RREB1: variants seen among roughly 807,000 people sequenced by gnomAD.
The protein encoded by RREB1 is ras-responsive element-binding protein 1.
A neutral mutation model predicts 117.8 loss-of-function variants in RREB1; 27 were observed. That is an observed-to-expected ratio of 0.23 (90% CI 0.17 to 0.32). The LOEUF (loss-of-function observed/expected upper bound fraction) is 0.32. Among genes scored for constraint, RREB1 ranks in the 10% least tolerant of loss-of-function variants. The pLI is 1.00. For synonymous variants in RREB1, 1,298 were observed against 1,026.7 expected (o/e 1.26, Z -5.05); for missense variants, 2,577 against 2,378.2 (o/e 1.08, Z -1.74).
intron 1 of RREB1, among the ~76,000 whole-genome samples, chr6:7,159,251 G>A (rs1763532448): frequency 6.6e-6 from 1 of 152,096 alleles, no homozygotes; most frequent in African/African-American, 2.4e-5. Flanking sequence ...GAATTGATAG[G>A]TTGTGGGCCA....
chr6:7,230,342 T>C lies in RREB1; in HGVS notation c.2243T>C (p.Phe748Ser), dbSNP rs776537759. Residue 748 changes from phenylalanine (F) to serine (S), a missense_variant, in exon 10 of 13, where the codon TTC (phenylalanine) becomes TCC (serine). Coordinates refer to ENST00000379938, the MANE Select transcript of RREB1 (RefSeq NM_001003699.4). ...AGCGCGGCCGAGCTGGTGGACGCCT[T>C]CTGCGCCCCGGACACCGTGTGCCGG... ...SSSAAELVDA[F>S]CAPDTVCRLC... 29 of 1,590,430 alleles carry C rather than the reference T, an allele frequency of 1.8e-5. No individual in the cohort carries two copies. In the African/African-American group the frequency reaches 2.7e-4, roughly 15 times the overall value.
Position 7,249,097 on chromosome 6 carries a change from G to GACAGACAGACAGAC in RREB1, c.*130_*131insCAGACAGACAGACA. On this transcript the variant is annotated 3_prime_UTR_variant, in exon 13 of 13. Transcript: ENST00000379938. ...AGAGAGAGAGAGAGAGAGAGAGAGA[G>GACAGACAGACAGAC]AGAGAGACAAGCAGGAGCGTGGCTG... The GACAGACAGACAGAC allele has an allele frequency of 1.5e-6, 1 of 670,830 alleles. No homozygotes were observed. The highest frequency in any genetic ancestry group is 1.9e-5 in the African/African-American group (1 of 51,560). The allele number at this position is 670,830 out of a possible 1,614,324, so 41.6% of individuals were successfully genotyped here.
At chr6:7,110,425 T>C (rs1761081137) in intron 1 of RREB1, among the ~76,000 whole-genome samples, 1 of 152,116 alleles carries the variant, frequency 6.6e-6, no homozygotes, top group African/African-American at 2.4e-5. Flanking sequence ...AGGAATGGGT[T>C]CGAGCTACTC....
chr6:7,143,632 A>T (rs1201092209), intron 1 of RREB1, among the ~76,000 whole-genome samples: 1 of 152,086 alleles, frequency 6.6e-6, no homozygotes, highest in Admixed American at 6.5e-5. Context: ...TGTGCTTCTA[A>T]CTGAATTCAG....
intron 2 of RREB1, among the ~76,000 whole-genome samples, chr6:7,180,257 G>A (rs1487917946): frequency 1.3e-5 from 2 of 152,120 alleles, no homozygotes; most frequent in South Asian, 4.1e-4. Context: ...CTTTTGGTAA[G>A]AATTTAGGCT....
At chr6:7,206,908 G>A (rs1287986163) in intron 6 of RREB1, among the ~76,000 whole-genome samples, 1 of 152,210 alleles carries the variant, frequency 6.6e-6, no homozygotes, top group African/African-American at 2.4e-5. Flanking sequence ...GCTTTGGGAT[G>A]GAAGAGGGCA....
chr6:7,175,359 C>T (rs1271548537), intron 1 of RREB1, among the ~76,000 whole-genome samples: 1 of 127,710 alleles, frequency 7.8e-6, no homozygotes, highest in Non-Finnish European at 1.6e-5. Context: ...TGCATTGTTT[C>T]AGTGGGGTGG....
At chr6:7,197,258 C>G (rs1334692850) in intron 6 of RREB1, among the ~76,000 whole-genome samples, 1 of 152,206 alleles carries the variant, frequency 6.6e-6, no homozygotes, top group Non-Finnish European at 1.5e-5. Flanking sequence ...TTTCACTTTG[C>G]TCCTTATTTT....
chr6:7,163,225 A>G (rs749361036), intron 1 of RREB1, among the ~76,000 whole-genome samples: 23 of 152,170 alleles, frequency 1.5e-4, no homozygotes, highest in African/African-American at 4.8e-4. Context: ...AGCCATTTGT[A>G]TAATCTGTTG....
intron 8 of RREB1, among the ~76,000 whole-genome samples, chr6:7,224,497 T>G (rs1411493620): frequency 6.6e-6 from 1 of 151,438 alleles, no homozygotes; most frequent in African/African-American, 2.4e-5. Flanking sequence ...GAGGGTGCAA[T>G]TGAACTTGAG....
intron 1 of RREB1, among the ~76,000 whole-genome samples, chr6:7,133,209 A>C (rs559537068): frequency 4.5e-4 from 69 of 152,284 alleles, no homozygotes; most frequent in African/African-American, 1.5e-3. Context: ...GGAGAGATGC[A>C]GGGGGCAGGC....
intron 6 of RREB1, among the ~76,000 whole-genome samples, chr6:7,199,270 C>G (rs553835785): frequency 6.6e-6 from 1 of 152,132 alleles, no homozygotes; most frequent in Non-Finnish European, 1.5e-5. Context: ...TCACAAAATC[C>G]GTTAGAAGGA....
intron 8 of RREB1, among the ~76,000 whole-genome samples, chr6:7,224,840 G>A (rs1732477692): frequency 6.6e-6 from 1 of 152,162 alleles, no homozygotes; most frequent in South Asian, 2.1e-4. Context: ...TCCCTCAAAA[G>A]GAACTCTGTG....
chr6:7,108,255 CCGGCGGGG>C (rs1394186980), intron 1 of RREB1, among the ~76,000 whole-genome samples, 195 bp downstream of exon 1: 47 of 152,072 alleles, frequency 3.1e-4, no homozygotes, highest in Non-Finnish European at 2.9e-5. Flanking sequence ...TGCGCTCGGG[CCGGCGGGG>C]CGGCCAGGGA....
rs772559793 is a variant in RREB1, at chr6:7,231,458, C to T, written c.3359C>T (p.Thr1120Ile). The T allele has an allele frequency of 1.9e-6, 3 of 1,613,268 alleles. No individual in the cohort carries two copies. Among genetic ancestry groups the T allele is most frequent in the South Asian group, 2.2e-5 (2 of 91,042 alleles). ...KAATTATPAA[T>I]TSPKESSEPP... ...GCCACCACCGCCACCCCCGCTGCCA[C>T]CACCAGCCCAAAAGAGTCTAGTGAG... The change falls in exon 10 of 13, where the codon ACC becomes ATC. Residue 1120 changes from threonine to isoleucine, a missense_variant. Physicochemically the swap from Thr to Ile is moderately conservative, Grantham distance 89. Transcript: ENST00000379938.
chr6:7,147,333 G>A (rs549151756), intron 1 of RREB1, among the ~76,000 whole-genome samples: 2 of 152,180 alleles, frequency 1.3e-5, no homozygotes, highest in East Asian at 1.9e-4. Flanking sequence ...CTTGGAGTGC[G>A]CAGCATGAGG....
Position 7,247,064 on chromosome 6 carries a change from A to T in RREB1, c.4614A>T (p.Lys1538Asn), listed in dbSNP as rs746103201. The T allele has an allele frequency of 6.2e-7, 1 of 1,613,512 alleles. No homozygotes were observed. Among genetic ancestry groups the T allele is most frequent in the Non-Finnish European group, 8.5e-7 (1 of 1,179,886 alleles). Reference protein sequence around the residue: ...GPSDGESAAEKRSSEKSDDDK... With the variant: ...GPSDGESAAENRSSEKSDDDK... ...CCGACGGGGAGAGCGCGGCCGAGAA[A>T]AGGTCCTCAGAGAAGAGCGACGATG... The change falls in exon 12 of 13, where the codon AAA (lysine) becomes AAT (asparagine). Residue 1538 changes from lysine to asparagine, a missense_variant. Transcript: ENST00000379938.
At chr6:7,142,026 A>G (rs1324138553) in intron 1 of RREB1, among the ~76,000 whole-genome samples, 1 of 152,166 alleles carries the variant, frequency 6.6e-6, no homozygotes, top group Admixed American at 6.5e-5. Flanking sequence ...AGCCTGGCCA[A>G]CATGGTGAAA....
At chr6:7,118,758 G>GC (rs1761524524) in intron 1 of RREB1, among the ~76,000 whole-genome samples, 1 of 139,930 alleles carries the variant, frequency 7.1e-6, no homozygotes, top group Non-Finnish European at 1.5e-5. Flanking sequence ...AAAATAGTCA[G>GC]TTTTTCACCA....
Sources: gnomAD v4.1 joint callset for allele counts (sites outside exome capture counted in the v4.1 genomes callset) on GRCh38, gnomAD v4.1.1 for gene constraint, MANE v1.5 for transcripts, NCBI Gene and HGNC (gene_info 2026-07-23, HGNC 2026-07-21) for gene names.